SPON1: variants seen among roughly 807,000 people sequenced by gnomAD.
The protein encoded by SPON1 is spondin-1.
Under a neutral mutation model 111.7 loss-of-function variants are expected in SPON1, and 52 were observed. The observed-to-expected ratio is 0.47, with a 90% CI of 0.37 to 0.59. SPON1 has a LOEUF of 0.59. Among genes scored for constraint, SPON1 ranks in the 20% least tolerant of loss-of-function variants. The pLI, the probability that SPON1 is intolerant of heterozygous loss-of-function variation, is 0.00. For missense variants in SPON1, 957 were observed against 1,068.5 expected (o/e 0.90, Z 1.46); for synonymous variants, 410 against 395.8 (o/e 1.04, Z -0.43).
At chr11:14,064,980 CAT>C (rs1274515763) in intron 3 of SPON1, among the ~76,000 whole-genome samples, 7 of 152,244 alleles carry the variant, frequency 4.6e-5, no homozygotes, top group African/African-American at 1.4e-4. Context: ...TACAATTTTG[CAT>C]ATACTTTCCA....
chr11:13,989,648 T>G (rs899242651), intron 2 of SPON1, among the ~76,000 whole-genome samples: 11 of 152,212 alleles, frequency 7.2e-5, no homozygotes, highest in Non-Finnish European at 1.2e-4. Context: ...AGGGTGTCAA[T>G]TTTAGATCTT....
intron 5 of SPON1, among the ~76,000 whole-genome samples, chr11:14,083,863 CA>C (rs1848983421): frequency 6.6e-6 from 1 of 152,180 alleles, no homozygotes; most frequent in Admixed American, 6.5e-5. Context: ...AAATGTAGGC[CA>C]AATTCCCAAG....
chr11:14,154,326 T>A (rs1191406179), intron 6 of SPON1, among the ~76,000 whole-genome samples: 2 of 152,194 alleles, frequency 1.3e-5, no homozygotes, highest in East Asian at 1.9e-4. Context: ...TTTCCATACA[T>A]CCTCTGGAAT....
At chr11:14,170,291 CTGTT>C (rs1337404621) in intron 6 of SPON1, among the ~76,000 whole-genome samples, 4 of 152,168 alleles carry the variant, frequency 2.6e-5, no homozygotes, top group East Asian at 3.9e-4. Context: ...ATTTGGCTCT[CTGTT>C]TGTCTGTTAA....
intron 5 of SPON1, among the ~76,000 whole-genome samples, chr11:14,084,149 T>A (rs541459323): frequency 1.3e-5 from 2 of 152,156 alleles, no homozygotes; most frequent in East Asian, 3.9e-4. Flanking sequence ...TTTTTTTAAC[T>A]TTAAGTTCTG....
intron 1 of SPON1, among the ~76,000 whole-genome samples, chr11:13,979,971 T>C (rs1356120774): frequency 2.0e-5 from 3 of 151,764 alleles, no homozygotes; most frequent in African/African-American, 7.3e-5. Flanking sequence ...ATAACCACCA[T>C]TTTTTTTGCT....
intron 2 of SPON1, among the ~76,000 whole-genome samples, chr11:14,013,455 C>T (rs1848420943): frequency 6.6e-6 from 1 of 152,136 alleles, no homozygotes; most frequent in African/African-American, 2.4e-5. Context: ...CTTGGCCATT[C>T]TGTTTGGGGA....
intron 1 of SPON1, among the ~76,000 whole-genome samples, chr11:13,977,969 G>A (rs1848115298): frequency 6.6e-6 from 1 of 152,126 alleles, no homozygotes; most frequent in Admixed American, 6.5e-5. Context: ...TGGTGTGAAA[G>A]TAATTGTGGT....
chr11:14,012,833 C>A (rs1848416332), intron 2 of SPON1, among the ~76,000 whole-genome samples: 1 of 152,112 alleles, frequency 6.6e-6, no homozygotes, highest in Non-Finnish European at 1.5e-5. Flanking sequence ...GGGCCCAGGA[C>A]AAAAATTGGC....
chr11:14,091,786 G>C (rs1170317880), intron 5 of SPON1, among the ~76,000 whole-genome samples: 9 of 152,182 alleles, frequency 5.9e-5, no homozygotes, highest in Admixed American at 5.9e-4. Flanking sequence ...ACAGTGCAGT[G>C]GGGGGCTGAA....
In SPON1 at chr11:14,133,900, C is replaced by T. The variant is rs531073393; in HGVS notation, c.677-1520C>T. ...GTGATGTCCTCTGCCTGGGGTGGGC[C>T]GTGGCTGCCCTCAGCAGGCCAGGAA... On this transcript the variant is annotated intron_variant, in intron 5 of 15. Transcript: ENST00000576479. Among the ~76,000 whole-genome samples the T allele has an allele frequency of 1.1e-4, 17 of 152,204 alleles. 1 individual carries two copies. In the East Asian group the frequency reaches 3.3e-3, roughly 29 times the overall value.
intron 5 of SPON1, among the ~76,000 whole-genome samples, chr11:14,099,707 A>G (rs1247922264): frequency 6.6e-6 from 1 of 152,060 alleles, no homozygotes; most frequent in Non-Finnish European, 1.5e-5. Flanking sequence ...TTTTTGCATC[A>G]CTATAAAGAA....
At position 14,153,906 on chromosome 11, in the gene SPON1, C is replaced by T. The variant is rs74984149; in HGVS notation, c.825+18338C>T. The stretch of plus-strand genomic sequence containing the variant: ...GCAAAAAATAAAGGGGTTACAGGCG[C>T]TATGCAAGTTTGAAACCCAACAGGG... On this transcript the variant is annotated intron_variant, in intron 6 of 15. Transcript: ENST00000576479. Among the ~76,000 whole-genome samples, 12 of 152,312 alleles carry T rather than the reference C, an allele frequency of 7.9e-5. No homozygotes were observed. The East Asian group carries it at 2.3e-3, about 29-fold the overall frequency.
At chr11:14,046,266 T>A (rs1848667484) in intron 3 of SPON1, among the ~76,000 whole-genome samples, 1 of 152,306 alleles carries the variant, frequency 6.6e-6, no homozygotes, top group East Asian at 1.9e-4. Flanking sequence ...CCAACCCTAC[T>A]CCTTTCTCTA....
intron 2 of SPON1, among the ~76,000 whole-genome samples, chr11:14,026,667 G>A (rs1848521155): frequency 6.6e-6 from 1 of 152,230 alleles, no homozygotes; most frequent in African/African-American, 2.4e-5. Flanking sequence ...TCAGGGTTAA[G>A]GAAAGGATAA....
At chr11:14,002,693 A>G (rs1307115206) in intron 2 of SPON1, among the ~76,000 whole-genome samples, 2 of 152,124 alleles carry the variant, frequency 1.3e-5, no homozygotes, top group African/African-American at 4.8e-5. Flanking sequence ...GGCAGGAGCC[A>G]AGCAGACAGA....
At chr11:14,235,502 G>T (rs138976856) in intron 6 of SPON1, among the ~76,000 whole-genome samples, 84 of 151,844 alleles carry the variant, frequency 5.5e-4, no homozygotes, top group Middle Eastern at 3.4e-3. Context: ...AACAAAGCAA[G>T]ACCCCATCTC....
chr11:14,215,058 T>C (rs1554937047), intron 6 of SPON1, among the ~76,000 whole-genome samples: 1 of 152,150 alleles, frequency 6.6e-6, no homozygotes, highest in Non-Finnish European at 1.5e-5. Context: ...TTTGTTTTTG[T>C]TTTTTTAAGA....
chr11:14,235,678 C>CAAAAAAAAAAAAAAAAAAAAAAAAAA (rs56925967), intron 6 of SPON1, among the ~76,000 whole-genome samples: 1 of 71,384 alleles, frequency 1.4e-5, no homozygotes, highest in African/African-American at 5.6e-5. Flanking sequence ...GACCCTGCCT[C>CAAAAAAAAAAAAAAAAAAAAAAAAAA]AAAAAAAAAA....
Sources: gnomAD v4.1 joint callset for allele counts (sites outside exome capture counted in the v4.1 genomes callset) on GRCh38, gnomAD v4.1.1 for gene constraint, MANE v1.5 for transcripts, NCBI Gene and HGNC (gene_info 2026-07-23, HGNC 2026-07-21) for gene names.